MROH9: variants seen among roughly 807,000 people sequenced by gnomAD.
MROH9 encodes maestro heat-like repeat-containing protein family member 9.
MROH9 carries 92 observed loss-of-function variants against 98.2 expected under a neutral mutation model. The ratio of observed to expected loss-of-function variants is 0.94; its 90% CI spans 0.79 to 1.11. The LOEUF is 1.11. Ranked by LOEUF, MROH9 falls within the 50% of genes most tolerant of loss-of-function variation. The pLI is 0.00. For synonymous variants in MROH9, 397 were observed against 368.9 expected (o/e 1.08, Z -0.87); for missense variants, 1,057 against 1,014.8 (o/e 1.04, Z -0.57).
chr1:171,052,034 CT>C (rs56288448), intron 20 of MROH9, among the ~76,000 whole-genome samples: 15,457 of 146,242 alleles, frequency 0.11, 947 homozygotes, highest in Middle Eastern at 0.24. Flanking sequence ...GGTCTTGGAC[CT>C]TTTTTTTTTT....
At position 171,053,476 on chromosome 1, in the gene MROH9, T is replaced by C. The variant is rs557313135; in HGVS notation, c.2282-8656T>C. Among the ~76,000 whole-genome samples, 20 of 152,246 alleles carry C rather than the reference T, an allele frequency of 1.3e-4. 2 individuals are homozygous for C. Among genetic ancestry groups the C allele is most frequent in the African/African-American group, 4.8e-4 (20 of 41,554 alleles). On this transcript the variant is annotated intron_variant, in intron 20 of 21. Coordinates refer to ENST00000367759, the MANE Select transcript of MROH9 (RefSeq NM_001163629.2). ...ATATACCTTTAGCTTAACTGCCTGGTGGAAGCAAAAATAAATCCCCTCTGA... is the reference window on the plus strand; with the variant it reads ...ATATACCTTTAGCTTAACTGCCTGGCGGAAGCAAAAATAAATCCCCTCTGA...
At chr1:170,974,477 A>G (rs888150505) in intron 8 of MROH9, among the ~76,000 whole-genome samples, 11 of 152,126 alleles carry the variant, frequency 7.2e-5, no homozygotes, top group African/African-American at 2.7e-4. Flanking sequence ...ATTTCTCACC[A>G]GAAATGACAC....
intron 20 of MROH9, among the ~76,000 whole-genome samples, chr1:171,032,269 G>A (rs1017725439): frequency 6.6e-6 from 1 of 152,086 alleles, no homozygotes; most frequent in Non-Finnish European, 1.5e-5. Flanking sequence ...TCTTCTGAAG[G>A]CTACTACTGT....
At chr1:170,973,116 T>TACAC (rs536538032) in intron 8 of MROH9, among the ~76,000 whole-genome samples, 16 of 145,628 alleles carry the variant, frequency 1.1e-4, no homozygotes, top group African/African-American at 3.3e-4. Context: ...TGCACACGCA[T>TACAC]ACACACACAC....
intron 1 of MROH9, among the ~76,000 whole-genome samples, chr1:170,941,808 T>C (rs1649131255): frequency 1.3e-5 from 2 of 152,186 alleles, no homozygotes; most frequent in South Asian, 4.1e-4. Context: ...GTGTGTCTTC[T>C]GGACACTCCC....
Position 170,996,540 on chromosome 1 carries a change from T to C in MROH9, c.1371T>C (p.Asn457=), listed in dbSNP as rs9427213. The part of the protein sequence containing the change: ...YAQDALRVLL[N]CSGLQQVDIT... The stretch of plus-strand genomic sequence containing the variant: ...AGGATGCCCTGAGAGTTCTGCTGAA[T>C]TGTTCTGGACTGCAACAGGTGGATA... The change falls in exon 14 of 22, where the codon AAT becomes AAC. Residue 457 remains asparagine (N), a synonymous_variant. Transcript: ENST00000367759. 0.12 allele frequency: 186,837 copies of C among 1,613,274 alleles called. 11,849 individuals are homozygous for C. The highest frequency in any genetic ancestry group is 0.21 in the African/African-American group (15,734 of 74,926).
chr1:171,001,189 A>G (rs1486298025), intron 15 of MROH9, among the ~76,000 whole-genome samples: 2 of 151,964 alleles, frequency 1.3e-5, no homozygotes, highest in Non-Finnish European at 2.9e-5. Flanking sequence ...ACAAAGAACC[A>G]GTTTTTTGTT....
chr1:171,024,848 G>A, intron 19 of MROH9, 83 bp downstream of exon 19: 1 of 765,172 alleles, frequency 1.3e-6, no homozygotes, highest in East Asian at 2.7e-5. Context: ...ACTGTAATGG[G>A]GATAAGAGTG....
intron 20 of MROH9, among the ~76,000 whole-genome samples, chr1:171,061,672 A>C (rs1654020325): frequency 6.6e-6 from 1 of 152,238 alleles, no homozygotes; most frequent in South Asian, 2.1e-4. Flanking sequence ...GCTGTATCTC[A>C]AGAAAACTTT....
At position 170,989,876 on chromosome 1, in the gene MROH9, A is replaced by G; in HGVS notation, c.901A>G (p.Ile301Val). 1 of 1,606,412 alleles carries G rather than the reference A, an allele frequency of 6.2e-7. No individual in the cohort carries two copies. ...VTMVSKIVDA[I>V]YRQLCDNNCM... ...CCAGGTGTCTAAGATCGTGGATGCT[A>G]TTTACAGGCAACTGTGTGATAACAA... Residue 301 changes from isoleucine (I) to valine (V), a missense_variant, in exon 11 of 22, where the codon ATT (isoleucine) becomes GTT (valine). By Grantham distance (29) the Ile-to-Val change is conservative (BLOSUM62 3). Transcript: ENST00000367759.
intron 20 of MROH9, among the ~76,000 whole-genome samples, chr1:171,052,595 C>G (rs1653705756): frequency 6.6e-6 from 1 of 152,150 alleles, no homozygotes; most frequent in East Asian, 1.9e-4. Flanking sequence ...GTTTAGGTTC[C>G]TAATCCAGGC....
At chr1:171,026,213 G>A (rs114476329) in intron 20 of MROH9, among the ~76,000 whole-genome samples, 4,013 of 149,912 alleles carry the variant, frequency 0.027, 187 homozygotes, top group African/African-American at 0.095. Context: ...GCACGTGCGC[G>A]CACACACACA....
In MROH9 at chr1:170,945,511, T is replaced by G. The variant is rs752103626; in HGVS notation, c.-37-9T>G. ...TGGTTTATGTACTAATACGTGATAT[T>G]TTTTGCAGCATTACTAGTAGAAGAC... On this transcript the variant is annotated splice_polypyrimidine_tract_variant and intron_variant, in intron 1 of 21. Transcript: ENST00000367759. 6.2e-7 allele frequency: 1 copy of G among 1,607,664 alleles called. No homozygotes were observed.
Position 171,064,708 on chromosome 1 carries a change from G to T in MROH9, c.*368G>T, listed in dbSNP as rs1654115677. ...GCCAGATACTGTGTTAGGCAGTGGG[G>T]ACATTTGGATGATATAGACAAGGTT... On this transcript the variant is annotated 3_prime_UTR_variant, in exon 22 of 22. Transcript: ENST00000367759. The T allele has an allele frequency of 5.8e-6, 1 of 171,176 alleles. No individual in the cohort carries two copies. The highest frequency in any genetic ancestry group is 1.7e-4 in the South Asian group (1 of 6,054). 10.6% of individuals were successfully genotyped at this position (171,176 alleles called of 1,614,324 possible). A position where few individuals can be genotyped will look rare whatever the true frequency, so the allele number is the denominator to read the frequency against.
At chr1:170,987,473 G>T (rs915870667) in intron 10 of MROH9, among the ~76,000 whole-genome samples, 1 of 152,182 alleles carries the variant, frequency 6.6e-6, no homozygotes, top group Non-Finnish European at 1.5e-5. Context: ...AGCACATGCA[G>T]TGTTCGCCTT....
At position 170,995,391 on chromosome 1, in the gene MROH9, A is replaced by G. The variant is rs969729897; in HGVS notation, c.1197A>G (p.Ala399=). ...CCTCCTATTTCCTTCCCTTATAGGC[A>G]TGCCAGGCCCTGTGCACCTTTCTGC... ...LDITNLMPLA[A]CQALCTFLPL... is the part of the protein sequence containing the mutation. The change falls in exon 13 of 22, where the codon GCA becomes GCG. Residue 399 remains alanine (A), a splice_region_variant and synonymous_variant. Coordinates refer to ENST00000367759, the MANE Select transcript of MROH9 (RefSeq NM_001163629.2). The G allele has an allele frequency of 9.9e-6, 16 of 1,613,236 alleles. No homozygotes were observed. Among genetic ancestry groups the G allele is most frequent in the Non-Finnish European group, 1.3e-5 (15 of 1,179,434 alleles).
chr1:171,043,425 T>C (rs1234289337), intron 20 of MROH9, among the ~76,000 whole-genome samples: 2 of 152,178 alleles, frequency 1.3e-5, no homozygotes, highest in African/African-American at 4.8e-5. Flanking sequence ...CCTCCAGTTT[T>C]GTTTTTTTGG....
chr1:171,060,236 G>A (rs1653970772), intron 20 of MROH9, among the ~76,000 whole-genome samples: 1 of 152,070 alleles, frequency 6.6e-6, no homozygotes. Context: ...AAGAAATGTT[G>A]CACAAAATGA....
chr1:170,949,511 A>T (rs1363319554), intron 3 of MROH9, among the ~76,000 whole-genome samples: 1 of 152,106 alleles, frequency 6.6e-6, no homozygotes, highest in Non-Finnish European at 1.5e-5. Flanking sequence ...AAAATTATAG[A>T]TGATGAAATA....
Sources: allele counts gnomAD v4.1 joint callset (sites outside exome capture counted in the v4.1 genomes callset), GRCh38; gene constraint gnomAD v4.1.1; transcripts MANE v1.5; gene names NCBI Gene and HGNC (gene_info 2026-07-23, HGNC 2026-07-21).